The following TMC1 variants were observed in gnomAD, a reference collection of about 807,000 sequenced individuals.
The protein encoded by TMC1 is transmembrane channel like 1.
Under a neutral mutation model 105.8 loss-of-function variants are expected in TMC1, and 84 were observed. The ratio of observed to expected loss-of-function variants is 0.79; its 90% CI spans 0.67 to 0.95. The LOEUF is 0.95. Among genes scored for constraint, TMC1 ranks in the 40% least tolerant of loss-of-function variants. The pLI, the probability that TMC1 is intolerant of heterozygous loss-of-function variation, is 0.00. For synonymous variants in TMC1, 315 were observed against 311.5 expected (o/e 1.01, Z -0.12); for missense variants, 817 against 914.1 (o/e 0.89, Z 1.37).
At chr9:72,576,431 C>A (rs545414148) in intron 1 of TMC1, among the ~76,000 whole-genome samples, 26 of 151,302 alleles carry the variant, frequency 1.7e-4, no homozygotes, top group South Asian at 1.5e-3. Context: ...TCTTCTCGAA[C>A]CTTCCCTTCC....
intron 12 of TMC1, among the ~76,000 whole-genome samples, chr9:72,759,486 A>G (rs1269644130): frequency 6.6e-6 from 1 of 152,196 alleles, no homozygotes; most frequent in Non-Finnish European, 1.5e-5. Flanking sequence ...CTAGTCCAGT[A>G]AGGTAGATAT....
At chr9:72,548,329 T>C (rs910290749) in intron 1 of TMC1, among the ~76,000 whole-genome samples, 1 of 152,162 alleles carries the variant, frequency 6.6e-6, no homozygotes, top group African/African-American at 2.4e-5. Context: ...CCCAGCACTT[T>C]GGGAGGCCAA....
chr9:72,717,041 G>A (rs1826933747), intron 8 of TMC1, among the ~76,000 whole-genome samples: 3 of 152,166 alleles, frequency 2.0e-5, no homozygotes, highest in Non-Finnish European at 2.9e-5. Flanking sequence ...GCACTTCCTG[G>A]GTGAGGCAAC....
Position 72,826,888 on chromosome 9 carries a change from G to A in TMC1, c.2023G>A (p.Glu675Lys), listed in dbSNP as rs540988111. Residue 675 changes from glutamate (E) to lysine (K), a missense_variant, in exon 21 of 24, where the codon GAA becomes AAA. Glu to Lys is a moderately conservative substitution (Grantham distance 56). Coordinates refer to ENST00000297784, the MANE Select transcript of TMC1 (RefSeq NM_138691.3). ...GPFSGKNRMF[E>K]VIGETLEHDF... ...CCCCAGTGGCAAAAATAGAATGTTT[G>A]AAGTCATTGGAGAGACCCTGGAGCA... is the stretch of plus-strand genomic sequence containing the variant. The A allele has an allele frequency of 6.2e-7, 1 of 1,613,966 alleles. No homozygotes were observed. The highest frequency in any genetic ancestry group is 2.2e-5 in the East Asian group (1 of 44,882).
rs1164946188 is a variant in TMC1, at chr9:72,642,725, T to C, written c.-52-5872T>C. On this transcript the variant is annotated intron_variant, in intron 4 of 23. Coordinates refer to ENST00000297784, the MANE Select transcript of TMC1 (RefSeq NM_138691.3). ...CAAGGTTAAGCCAAGAAGTATTGTTTTTCTACTTTTTCTTCGTAGTCAGAT... is the reference window on the plus strand; with the variant it reads ...CAAGGTTAAGCCAAGAAGTATTGTTCTTCTACTTTTTCTTCGTAGTCAGAT... Among the ~76,000 whole-genome samples, 8 of 152,210 alleles carry C rather than the reference T, an allele frequency of 5.3e-5. 1 individual carries two copies. The East Asian group carries it at 1.5e-3, about 29-fold the overall frequency.
chr9:72,822,555 TG>T (rs1460296185), intron 20 of TMC1, among the ~76,000 whole-genome samples: 5 of 151,318 alleles, frequency 3.3e-5, no homozygotes, highest in Admixed American at 6.6e-5. Context: ...TGTGTGTGTG[TG>T]TGTGTTTCCA....
At chr9:72,793,750 C>G (rs1218212656) in intron 17 of TMC1, among the ~76,000 whole-genome samples, 1 of 152,140 alleles carries the variant, frequency 6.6e-6, no homozygotes, top group Non-Finnish European at 1.5e-5. Context: ...TGTGGGGTCC[C>G]AATATACTGC....
chr9:72,612,972 G>T (rs1282423662), intron 2 of TMC1, among the ~76,000 whole-genome samples: 1 of 152,114 alleles, frequency 6.6e-6, no homozygotes, highest in African/African-American at 2.4e-5. Flanking sequence ...TTGTCAGTTT[G>T]TTCATCATAT....
At chr9:72,711,432 G>T (rs545844943) in intron 8 of TMC1, among the ~76,000 whole-genome samples, 1 of 152,278 alleles carries the variant, frequency 6.6e-6, no homozygotes, top group South Asian at 2.1e-4. Flanking sequence ...AGCACCTGTT[G>T]TTTCCTGACT....
At chr9:72,692,364 T>A (rs1826479729) in intron 6 of TMC1, among the ~76,000 whole-genome samples, 1 of 151,998 alleles carries the variant, frequency 6.6e-6, no homozygotes, top group Admixed American at 6.6e-5. Context: ...GGTGTGAGGG[T>A]GTGTCAGATT....
intron 2 of TMC1, among the ~76,000 whole-genome samples, chr9:72,601,210 A>G (rs568214005): frequency 4.1e-4 from 61 of 149,450 alleles, no homozygotes; most frequent in Admixed American, 3.9e-3. Flanking sequence ...ACACACACAC[A>G]CACACACACA....
chr9:72,740,688 G>A (rs960498402), intron 9 of TMC1, among the ~76,000 whole-genome samples: 2 of 152,114 alleles, frequency 1.3e-5, no homozygotes. Flanking sequence ...CACTTACTAT[G>A]TGCCAAGCAC....
intron 1 of TMC1, among the ~76,000 whole-genome samples, chr9:72,573,241 C>T (rs900142357): frequency 7.2e-5 from 11 of 152,136 alleles, no homozygotes; most frequent in African/African-American, 1.9e-4. Context: ...ATCTTTTTCA[C>T]GTTTATCCCT....
chr9:72,689,622 A>C lies in TMC1; in HGVS notation c.64+866A>C, dbSNP rs78903163. Among the ~76,000 whole-genome samples, 10 of 152,036 alleles carry C rather than the reference A, an allele frequency of 6.6e-5. No homozygotes were observed. The East Asian group carries it at 1.7e-3, about 26-fold the overall frequency. Reference sequence around the variant, plus strand: ...TTAATGTTTATATTTAGGTGCTCTGATGTTGGATGCATATATACTTATAAT... The same window carrying C: ...TTAATGTTTATATTTAGGTGCTCTGCTGTTGGATGCATATATACTTATAAT... On this transcript the variant is annotated intron_variant, in intron 6 of 23. Transcript: ENST00000297784.
chr9:72,564,632 A>G (rs1200912689), intron 1 of TMC1, among the ~76,000 whole-genome samples: 1 of 152,236 alleles, frequency 6.6e-6, no homozygotes, highest in East Asian at 1.9e-4. Context: ...TTTTCCATCC[A>G]AGACAAAACC....
At chr9:72,707,271 A>G (rs1039863356) in intron 8 of TMC1, among the ~76,000 whole-genome samples, 4 of 152,154 alleles carry the variant, frequency 2.6e-5, no homozygotes, top group Admixed American at 6.5e-5. Flanking sequence ...CTGGGTAGAT[A>G]CCCTGTAGTG....
At chr9:72,659,013 G>A (rs928082358) in intron 5 of TMC1, among the ~76,000 whole-genome samples, 7 of 152,122 alleles carry the variant, frequency 4.6e-5, no homozygotes, top group African/African-American at 1.7e-4. Context: ...TACTCTATTA[G>A]CCCAGACAAC....
At chr9:72,767,555 G>A (rs1334505279) in intron 12 of TMC1, among the ~76,000 whole-genome samples, 4 of 152,212 alleles carry the variant, frequency 2.6e-5, no homozygotes, top group African/African-American at 9.6e-5. Context: ...AGTTAGAAAA[G>A]TAAATGCATG....
chr9:72,774,087 T>C (rs1827971417), intron 13 of TMC1, among the ~76,000 whole-genome samples: 1 of 152,198 alleles, frequency 6.6e-6, no homozygotes, highest in African/African-American at 2.4e-5. Flanking sequence ...TAGGCTTATT[T>C]AAGAAAAAAA....
Sources: allele counts gnomAD v4.1 joint callset (sites outside exome capture counted in the v4.1 genomes callset), GRCh38; gene constraint gnomAD v4.1.1; transcripts MANE v1.5; gene names NCBI Gene and HGNC (gene_info 2026-07-23, HGNC 2026-07-21).